NOL4: variants seen among roughly 807,000 people sequenced by gnomAD.
NOL4 encodes the protein nucleolar protein 4.
Under a neutral mutation model 75.9 loss-of-function variants are expected in NOL4, and 17 were observed. The ratio of observed to expected loss-of-function variants is 0.22; its 90% confidence interval spans 0.15 to 0.34. The LOEUF (loss-of-function observed/expected upper bound fraction) is 0.34. Ranked by LOEUF, NOL4 falls within the 10% of genes least tolerant of loss-of-function variation. The pLI is 1.00. For synonymous variants in NOL4, 292 were observed against 289.9 expected, an observed-to-expected ratio of 1.01 and a Z score of -0.07; for missense variants, 614 against 793.5, an observed-to-expected ratio of 0.77 and a Z score of 2.72.
chr18:34,201,112 AAG>A (rs1389041282), intron 1 of NOL4, among the ~76,000 whole-genome samples: 4 of 151,892 alleles, frequency 2.6e-5, no homozygotes, highest in Admixed American at 6.6e-5. Context: ...AAGAGAGAGC[AAG>A]AGAGGGGGAC....
chr18:33,940,466 G>T (rs1034569857), intron 9 of NOL4, among the ~76,000 whole-genome samples: 1 of 151,876 alleles, frequency 6.6e-6, no homozygotes, highest in Non-Finnish European at 1.5e-5. Context: ...AACCAAACAC[G>T]CATGTTCTCA....
At chr18:34,114,142 G>A (rs74890464) in intron 2 of NOL4, among the ~76,000 whole-genome samples, 5,215 of 152,168 alleles carry the variant, frequency 0.034, 96 homozygotes, top group Middle Eastern at 0.048. Context: ...TGTCATAAAT[G>A]TCTTGGACCC....
Position 33,887,852 on chromosome 18 carries a change from C to T in NOL4, c.1543-4428G>A, listed in dbSNP as rs530210291. On this transcript the variant is annotated intron_variant, in intron 9 of 10. Transcript: ENST00000261592. ...CATTTGGGTTGGTTCCAATTCTTTG[C>T]TATTGTGAATAGTGCCGCAATAAAC... 8.5e-5 allele frequency among the ~76,000 whole-genome samples: 13 copies of T among 152,242 alleles called. No homozygotes were observed. In the South Asian group the frequency reaches 2.7e-3, roughly 32 times the overall value.
intron 10 of NOL4, among the ~76,000 whole-genome samples, chr18:33,860,031 A>C (rs2063027423): frequency 6.6e-6 from 1 of 152,182 alleles, no homozygotes; most frequent in African/African-American, 2.4e-5. Context: ...GGAAACTTAC[A>C]GTCATGGCAG....
chr18:34,012,260 A>G (rs1268540759), intron 6 of NOL4, among the ~76,000 whole-genome samples: 1 of 151,960 alleles, frequency 6.6e-6, no homozygotes, highest in Non-Finnish European at 1.5e-5. Context: ...GTATTATTCT[A>G]TATAATATAG....
At chr18:34,082,591 C>G (rs2078061395) in intron 5 of NOL4, among the ~76,000 whole-genome samples, 1 of 152,102 alleles carries the variant, frequency 6.6e-6, no homozygotes, top group African/African-American at 2.4e-5. Flanking sequence ...ATCATGCACA[C>G]AATATTTTAG....
At chr18:33,882,871 C>A (rs1310364399) in intron 10 of NOL4, among the ~76,000 whole-genome samples, 6 of 151,794 alleles carry the variant, frequency 4.0e-5, no homozygotes, top group Non-Finnish European at 8.8e-5. Flanking sequence ...GAATACTATG[C>A]AGCCATAAAA....
At chr18:34,201,689 G>A (rs1303690246) in intron 1 of NOL4, among the ~76,000 whole-genome samples, 1 of 151,618 alleles carries the variant, frequency 6.6e-6, no homozygotes, top group Non-Finnish European at 1.5e-5. Context: ...ACATTCCTAA[G>A]TTCCACAGAT....
chr18:34,061,826 A>C (rs1347878139), intron 5 of NOL4, among the ~76,000 whole-genome samples: 1 of 152,138 alleles, frequency 6.6e-6, no homozygotes, highest in African/African-American at 2.4e-5. Context: ...TCACGTCTTA[A>C]ATATCTATTG....
chr18:34,156,426 A>T (rs2030400434), intron 1 of NOL4, among the ~76,000 whole-genome samples: 1 of 152,130 alleles, frequency 6.6e-6, no homozygotes, highest in South Asian at 2.1e-4. Context: ...TCTGGAGCCT[A>T]CTTTCTTAAC....
chr18:34,086,067 C>T (rs1181460605), intron 5 of NOL4, among the ~76,000 whole-genome samples: 2 of 151,980 alleles, frequency 1.3e-5, no homozygotes, highest in Admixed American at 1.3e-4. Flanking sequence ...TTTCTAAAAG[C>T]TTCATCGAAT....
At chr18:34,023,474 C>G (rs1233800188) in intron 5 of NOL4, 1 of 456,238 alleles carries the variant, frequency 2.2e-6, no homozygotes. Context: ...GTAGCTGCTA[C>G]ACAGAAGGTG....
At chr18:34,116,699 A>T (rs955181612) in intron 2 of NOL4, among the ~76,000 whole-genome samples, 2 of 152,206 alleles carry the variant, frequency 1.3e-5, no homozygotes, top group Admixed American at 1.3e-4. Context: ...TAATCAAAAA[A>T]ATTTAATAAC....
At chr18:34,185,886 A>G (rs1156635338) in intron 1 of NOL4, among the ~76,000 whole-genome samples, 1 of 152,216 alleles carries the variant, frequency 6.6e-6, no homozygotes, top group East Asian at 1.9e-4. Context: ...AATAACTAGA[A>G]CATACATGCA....
chr18:34,205,008 C>T (rs1193017539), intron 1 of NOL4, among the ~76,000 whole-genome samples: 2 of 152,068 alleles, frequency 1.3e-5, no homozygotes, highest in Non-Finnish European at 2.9e-5. Flanking sequence ...TATGTGTATC[C>T]TAGTCCTTTC....
intron 6 of NOL4, among the ~76,000 whole-genome samples, chr18:33,999,823 T>C (rs1422711089): frequency 1.3e-5 from 2 of 152,068 alleles, no homozygotes; most frequent in African/African-American, 4.8e-5. Flanking sequence ...AGCTAATTGT[T>C]GTATTTTTTT....
intron 5 of NOL4, among the ~76,000 whole-genome samples, chr18:34,082,413 TA>T (rs1451156310): frequency 2.0e-5 from 3 of 152,160 alleles, no homozygotes; most frequent in African/African-American, 7.2e-5. Flanking sequence ...GTAAAAACTT[TA>T]AAAAGCTTAT....
intron 9 of NOL4, among the ~76,000 whole-genome samples, chr18:33,936,912 T>C (rs2068095639): frequency 1.3e-5 from 2 of 152,074 alleles, no homozygotes; most frequent in African/African-American, 4.8e-5. Flanking sequence ...TTTTTGCCTC[T>C]TTGTCTTCAA....
At chr18:34,185,308 A>G (rs2034371668) in intron 1 of NOL4, among the ~76,000 whole-genome samples, 1 of 152,184 alleles carries the variant, frequency 6.6e-6, no homozygotes, top group Non-Finnish European at 1.5e-5. Flanking sequence ...GATTACTTCT[A>G]GGAATAGCAA....
Sources: gnomAD v4.1 joint callset for allele counts (sites outside exome capture counted in the v4.1 genomes callset) on GRCh38, gnomAD v4.1.1 for gene constraint, MANE v1.5 for transcripts, NCBI Gene and HGNC (gene_info 2026-07-23, HGNC 2026-07-21) for gene names.